Variants in NOVA1 observed in about 807,000 individuals in gnomAD.
NOVA1 encodes the protein RNA-binding protein Nova-1.
NOVA1 carries 7 observed loss-of-function variants against 38.0 expected under a neutral mutation model. The observed-to-expected ratio is 0.18, with a 90% CI of 0.10 to 0.35. The LOEUF (loss-of-function observed/expected upper bound fraction) is 0.35, where lower values mean the gene tolerates loss of function less well. Ranked by LOEUF, NOVA1 falls within the 10% of genes least tolerant of loss-of-function variation. The probability of loss-of-function intolerance (pLI) is 1.00; values close to 1 mark genes in which losing one functional copy is unlikely to be tolerated. For synonymous variants in NOVA1, 270 were observed against 232.5 expected (o/e 1.16, Z -1.47); for missense variants, 460 against 616.0 (o/e 0.75, Z 2.68).
At chr14:26,522,808 G>T (rs1888991787) in intron 2 of NOVA1, among the ~76,000 whole-genome samples, 1 of 151,992 alleles carries the variant, frequency 6.6e-6, no homozygotes, top group Non-Finnish European at 1.5e-5. Context: ...ATTCCACAAG[G>T]TACTTGGTGA....
At chr14:26,518,225 G>C (rs1186885964) in intron 2 of NOVA1, among the ~76,000 whole-genome samples, 1 of 151,954 alleles carries the variant, frequency 6.6e-6, no homozygotes, top group Non-Finnish European at 1.5e-5. Context: ...TTCTGAAAAA[G>C]TATTTCATTT....
chr14:26,469,499 T>G (rs1884418339), intron 4 of NOVA1, among the ~76,000 whole-genome samples: 1 of 151,590 alleles, frequency 6.6e-6, no homozygotes. Context: ...TAACCTAACA[T>G]TTATATGATG....
At chr14:26,503,629 T>A (rs405796) in intron 2 of NOVA1, among the ~76,000 whole-genome samples, 142,586 of 151,946 alleles carry the variant, frequency 0.94, 67,485 homozygotes, top group East Asian at 1. Flanking sequence ...CATTTTTTTT[T>A]AAAAATTAAA....
At chr14:26,570,652 G>C (rs1892417797) in intron 2 of NOVA1, among the ~76,000 whole-genome samples, 1 of 152,046 alleles carries the variant, frequency 6.6e-6, no homozygotes, top group African/African-American at 2.4e-5. Flanking sequence ...AAAACCAATA[G>C]ATAAAAGTTG....
intron 2 of NOVA1, among the ~76,000 whole-genome samples, chr14:26,505,639 A>G (rs1413367482): frequency 6.6e-6 from 1 of 152,218 alleles, no homozygotes; most frequent in Non-Finnish European, 1.5e-5. Context: ...TTATTAAAAT[A>G]ATACACATAA....
At chr14:26,521,541 A>C (rs1888896562) in intron 2 of NOVA1, among the ~76,000 whole-genome samples, 1 of 152,050 alleles carries the variant, frequency 6.6e-6, no homozygotes, top group African/African-American at 2.4e-5. Context: ...TTCCTTTTAT[A>C]ACAGATTTGT....
At chr14:26,590,566 A>T (rs969162313) in intron 2 of NOVA1, among the ~76,000 whole-genome samples, 2 of 151,546 alleles carry the variant, frequency 1.3e-5, no homozygotes, top group Non-Finnish European at 3.0e-5. Context: ...AGAGCAAAAA[A>T]CTCCCAAACA....
chr14:26,559,772 T>C lies in NOVA1; in HGVS notation c.280+35638A>G, dbSNP rs75599040. ...GGAGGGATAAAAAGAGGTTGATTAA[T>C]GGGTACAAATATACAGTTTGATAGT... On this transcript the variant is annotated intron_variant, in intron 2 of 4. Coordinates refer to ENST00000539517, the MANE Select transcript of NOVA1 (RefSeq NM_002515.3). 5.3e-5 allele frequency among the ~76,000 whole-genome samples: 8 copies of C among 152,226 alleles called. No individual in the cohort carries two copies. The East Asian group carries it at 1.5e-3, about 29-fold the overall frequency.
At chr14:26,484,891 G>A (rs1885764549) in intron 2 of NOVA1, among the ~76,000 whole-genome samples, 1 of 151,836 alleles carries the variant, frequency 6.6e-6, no homozygotes, top group Non-Finnish European at 1.5e-5. Flanking sequence ...AATGTATTGA[G>A]TCCCTACTAA....
chr14:26,560,735 T>TAC (rs1891770434), intron 2 of NOVA1, among the ~76,000 whole-genome samples: 1 of 152,104 alleles, frequency 6.6e-6, no homozygotes, highest in Non-Finnish European at 1.5e-5. Context: ...TAAAAAGGAA[T>TAC]ACACACACAC....
chr14:26,509,268 A>T (rs1284562209), intron 2 of NOVA1, among the ~76,000 whole-genome samples: 1 of 152,172 alleles, frequency 6.6e-6, no homozygotes, highest in Non-Finnish European at 1.5e-5. Context: ...GTTTTAAACC[A>T]GAGTATGGAA....
intron 2 of NOVA1, among the ~76,000 whole-genome samples, chr14:26,495,802 C>T (rs1393755990): frequency 3.5e-5 from 5 of 144,058 alleles, no homozygotes; most frequent in Non-Finnish European, 7.6e-5. Flanking sequence ...CAATTTCATC[C>T]ATGTCCCTAC....
intron 2 of NOVA1, among the ~76,000 whole-genome samples, chr14:26,569,517 T>C (rs1236003789): frequency 1.3e-5 from 2 of 152,174 alleles, no homozygotes; most frequent in Non-Finnish European, 2.9e-5. Flanking sequence ...AACAAAGAAG[T>C]AGATGTGAAT....
chr14:26,590,820 A>C (rs1339651967), intron 2 of NOVA1, among the ~76,000 whole-genome samples: 1 of 151,836 alleles, frequency 6.6e-6, no homozygotes, highest in Non-Finnish European at 1.5e-5. Flanking sequence ...ATTTTAAATG[A>C]GCTGTTTTTC....
rs1255009443 is a variant in NOVA1 at position 26,444,370 on chromosome 14, A to AGCGATATAAATATATAAT, written c.*3571_*3588dup. On this transcript the variant is annotated 3_prime_UTR_variant, in exon 5 of 5. Coordinates refer to ENST00000539517, the MANE Select transcript of NOVA1 (RefSeq NM_002515.3). The stretch of plus-strand genomic sequence containing the variant: ...AACATTAATATGCACTTTCTTAGAA[A>AGCGATATAAATATATAAT]GCGATATAAATATATAATACAGGAC... 1 of 152,180 alleles carries AGCGATATAAATATATAAT rather than the reference A, an allele frequency of 6.6e-6. No homozygotes were observed. The highest frequency in any genetic ancestry group is 1.9e-4 in the East Asian group (1 of 5,194). The allele number at this position is 152,180 out of a possible 1,614,324, so 9.4% of individuals were successfully genotyped here.
intron 1 of NOVA1, chr14:26,596,789 A>G (rs1894218261): frequency 8.5e-7 from 1 of 1,179,962 alleles, no homozygotes; most frequent in Non-Finnish European, 1.1e-6. Context: ...TGCACTCATC[A>G]AGATTTTGCA....
chr14:26,574,694 TAG>T (rs1458739185), intron 2 of NOVA1, among the ~76,000 whole-genome samples: 2 of 152,176 alleles, frequency 1.3e-5, no homozygotes, highest in Non-Finnish European at 2.9e-5. Flanking sequence ...TTGTTTGTTT[TAG>T]AGATAGGGTC....
chr14:26,574,924 A>G (rs1892740354), intron 2 of NOVA1, among the ~76,000 whole-genome samples: 1 of 152,122 alleles, frequency 6.6e-6, no homozygotes, highest in African/African-American at 2.4e-5. Context: ...TCAGCCTCCC[A>G]AAGTGCTGGG....
intron 3 of NOVA1, 36 bp downstream of exon 3, chr14:26,479,941 G>A (rs1278197898): frequency 6.2e-7 from 1 of 1,606,322 alleles, no homozygotes; most frequent in Admixed American, 1.7e-5. Context: ...ACTATGCTGT[G>A]GATATTTCTC....
Sources: gnomAD v4.1 joint callset for allele counts (sites outside exome capture counted in the v4.1 genomes callset) on GRCh38, gnomAD v4.1.1 for gene constraint, MANE v1.5 for transcripts, NCBI Gene and HGNC (gene_info 2026-07-23, HGNC 2026-07-21) for gene names.